SLC10A6: variants seen among roughly 807,000 people sequenced by gnomAD.
SLC10A6 encodes solute carrier family 10 member 6, also known as sodium-dependent organic anion transporter.
Under a neutral mutation model 30.0 loss-of-function variants are expected in SLC10A6, and 27 were observed. The ratio of observed to expected loss-of-function variants is 0.90; its 90% CI spans 0.66 to 1.24. The LOEUF (loss-of-function observed/expected upper bound fraction) is 1.24. Among genes scored for constraint, SLC10A6 ranks in the 50% most tolerant of loss-of-function variants. SLC10A6 has a pLI of 0.00. For synonymous variants in SLC10A6, 166 were observed against 173.8 expected, an observed-to-expected ratio of 0.95 and a Z score of 0.36; for missense variants, 439 against 457.0, an observed-to-expected ratio of 0.96 and a Z score of 0.36.
At chr4:86,848,181 G>A (rs1441190953) in intron 1 of SLC10A6, among the ~76,000 whole-genome samples, 1 of 152,174 alleles carries the variant, frequency 6.6e-6, no homozygotes, top group Non-Finnish European at 1.5e-5. Context: ...CCTTCGCATT[G>A]CTCCTGAAGT....
intron 1 of SLC10A6, among the ~76,000 whole-genome samples, chr4:86,839,142 T>C (rs1360918538): frequency 6.6e-6 from 1 of 151,716 alleles, no homozygotes; most frequent in East Asian, 1.9e-4. Flanking sequence ...TTTTTTCTTT[T>C]TAAAGGAATC....
chr4:86,832,515 G>T (rs1410204563), intron 2 of SLC10A6, among the ~76,000 whole-genome samples: 1 of 151,748 alleles, frequency 6.6e-6, no homozygotes, highest in African/African-American at 2.4e-5. Context: ...GCTGAGGCAG[G>T]AGAAGGCAGA....
intron 1 of SLC10A6, chr4:86,837,519 T>A: frequency 1.2e-6 from 1 of 854,470 alleles, no homozygotes; most frequent in Non-Finnish European, 1.4e-6. Flanking sequence ...AAATGAAGGC[T>A]AAAAGCCAAT....
At chr4:86,835,711 G>GAAAA (rs745331528) in intron 1 of SLC10A6, among the ~76,000 whole-genome samples, 68 of 143,176 alleles carry the variant, frequency 4.7e-4, no homozygotes, top group Non-Finnish European at 8.3e-4. Flanking sequence ...AAGAAAAGAA[G>GAAAA]AAAAGAAAGA....
rs1553899233 is a variant in SLC10A6 at position 86,837,343 on chromosome 4, A to AAGGCAGGCAGGCAGGC, written c.378-3935_378-3920dup. 4.8e-3 allele frequency among the ~76,000 whole-genome samples: 492 copies of AAGGCAGGCAGGCAGGC among 102,930 alleles called. 46 individuals are homozygous for AAGGCAGGCAGGCAGGC. The highest frequency in any genetic ancestry group is 0.018 in the African/African-American group (455 of 25,154). The allele number at this position is 102,930 out of a possible 152,430, so 67.5% of individuals were successfully genotyped here. On this transcript the variant is annotated intron_variant, in intron 1 of 5. Transcript: ENST00000273905. ...GAAGGAAGGAAGGAAGGAAGGAAGGAAGGCAGGCAGGCAGGCTGGGATTTG... is the reference window on the plus strand; with the variant it reads ...GAAGGAAGGAAGGAAGGAAGGAAGGAAGGCAGGCAGGCAGGCAGGCAGGCAGGCAGGCTGGGATTTG...
At chr4:86,837,267 GAAAGAAAGAAAGAA>G in intron 1 of SLC10A6, among the ~76,000 whole-genome samples, 2 of 119,380 alleles carry the variant, frequency 1.7e-5, no homozygotes, top group African/African-American at 7.4e-5. Context: ...AAGAAAGAAA[GAAAGAAAGAAAGAA>G]AGAAAAAGAA....
In SLC10A6 at chr4:86,839,452, A is replaced by G. The variant is rs183223826; in HGVS notation, c.378-6028T>C. Among the ~76,000 whole-genome samples the G allele has an allele frequency of 2.1e-3, 319 of 152,262 alleles. 2 individuals are homozygous for G. The highest frequency in any genetic ancestry group is 0.02 in the Middle Eastern group (6 of 294). On this transcript the variant is annotated intron_variant, in intron 1 of 5. Transcript: ENST00000273905. Reference sequence around the variant, plus strand: ...GGGGACAGAAGGAGGCCCTGTCTCTAAAAATAAAAAAAGGAACCTTATAAT... The same window carrying G: ...GGGGACAGAAGGAGGCCCTGTCTCTGAAAATAAAAAAAGGAACCTTATAAT...
At chr4:86,836,782 G>A (rs1421862966) in intron 1 of SLC10A6, among the ~76,000 whole-genome samples, 4 of 151,976 alleles carry the variant, frequency 2.6e-5, no homozygotes, top group Non-Finnish European at 5.9e-5. Flanking sequence ...TTTTGAAATG[G>A]AGTCCCACTC....
At chr4:86,833,600 A>T (rs570481128) in intron 1 of SLC10A6, among the ~76,000 whole-genome samples, 176 bp from the exon 2 acceptor site, 114 of 152,302 alleles carry the variant, frequency 7.5e-4, no homozygotes, top group Middle Eastern at 3.4e-3. Context: ...GTCTACAAAG[A>T]GATTTCCAGT....
At chr4:86,838,780 G>A (rs1356997914) in intron 1 of SLC10A6, among the ~76,000 whole-genome samples, 6 of 151,754 alleles carry the variant, frequency 4.0e-5, no homozygotes, top group African/African-American at 1.5e-4. Context: ...AAAATTAGCC[G>A]GGCATGGTGG....
chr4:86,828,097 A>G lies in SLC10A6; in HGVS notation c.657T>C (p.Ser219=), dbSNP rs745362370. 1.2e-6 allele frequency: 2 copies of G among 1,614,016 alleles called. No individual in the cohort carries two copies. The highest frequency in any genetic ancestry group is 1.1e-5 in the South Asian group (1 of 91,070). ...TCAGAAGGGTGATGTCTGAATTCCA[A>G]GATCCTTTCGCCAGGACCACACCAG... ...AVAGVVLAKG[S]WNSDITLLTI... The change falls in exon 4 of 6, where the codon TCT becomes TCC. Residue 219 remains serine (S), a synonymous_variant. Coordinates refer to ENST00000273905, the MANE Select transcript of SLC10A6 (RefSeq NM_197965.3).
rs931382838 is a variant in SLC10A6 at position 86,828,009 on chromosome 4, G to A, written c.745C>T (p.His249Tyr). ...TAACTATACCTTTGCCAAGACTGGT[G>A]GGTAAAAAGTGCCAGCAGAAAACCC... is the stretch of plus-strand genomic sequence containing the variant. ...VTGFLLALFT[H>Y]QSWQRCRTIS... Residue 249 changes from histidine (H) to tyrosine (Y), a missense_variant, in exon 4 of 6, where the codon CAC becomes TAC. Physicochemically the swap from His to Tyr is moderately conservative, Grantham distance 83. Transcript: ENST00000273905. 8 of 1,613,554 alleles carry A rather than the reference G, an allele frequency of 5.0e-6. No individual in the cohort carries two copies. Among genetic ancestry groups the A allele is most frequent in the Admixed American group, 1.7e-5 (1 of 59,908 alleles).
chr4:86,839,518 A>G (rs930658285), intron 1 of SLC10A6, among the ~76,000 whole-genome samples: 2 of 152,140 alleles, frequency 1.3e-5, no homozygotes, highest in Admixed American at 6.6e-5. Context: ...TTCCCACTTC[A>G]TCTATCACAG....
intron 2 of SLC10A6, among the ~76,000 whole-genome samples, 185 bp downstream of exon 2, chr4:86,833,121 C>T (rs761172707): frequency 7.2e-5 from 11 of 152,044 alleles, no homozygotes; most frequent in Non-Finnish European, 1.5e-4. Context: ...AGTTACTAAA[C>T]CTCTTGAAGC....
intron 1 of SLC10A6, among the ~76,000 whole-genome samples, chr4:86,836,587 C>T (rs1746188694): frequency 6.6e-6 from 1 of 152,174 alleles, no homozygotes; most frequent in Non-Finnish European, 1.5e-5. Context: ...TTAGACTTCC[C>T]AGCCTCCAGA....
intron 5 of SLC10A6, among the ~76,000 whole-genome samples, chr4:86,825,126 A>T (rs1745956748): frequency 6.6e-6 from 1 of 152,222 alleles, no homozygotes; most frequent in Admixed American, 6.5e-5. Context: ...GCTCATAGAG[A>T]TCTTGTCTTA....
chr4:86,827,740 C>T (rs1004682417), intron 4 of SLC10A6, among the ~76,000 whole-genome samples: 2 of 152,074 alleles, frequency 1.3e-5, no homozygotes, highest in African/African-American at 4.8e-5. Context: ...CAAATCATGT[C>T]GTTTTCTATT....
At chr4:86,833,585 T>A (rs902427196) in intron 1 of SLC10A6, among the ~76,000 whole-genome samples, 161 bp from the exon 2 acceptor site, 4 of 152,214 alleles carry the variant, frequency 2.6e-5, no homozygotes, top group African/African-American at 7.2e-5. Context: ...ATGGCTATAT[T>A]TCTGGTCTAC....
At chr4:86,841,005 C>T (rs1260003143) in intron 1 of SLC10A6, among the ~76,000 whole-genome samples, 4 of 152,174 alleles carry the variant, frequency 2.6e-5, no homozygotes, top group African/African-American at 4.8e-5. Context: ...TCTGTATCCA[C>T]AAAGAGGCTG....
Sources: gnomAD v4.1 joint callset for allele counts (sites outside exome capture counted in the v4.1 genomes callset) on GRCh38, gnomAD v4.1.1 for gene constraint, MANE v1.5 for transcripts, NCBI Gene and HGNC (gene_info 2026-07-23, HGNC 2026-07-21) for gene names.